CCL26: variants seen among roughly 807,000 people sequenced by gnomAD.
CCL26 encodes C-C motif chemokine 26.
A neutral mutation model predicts 10.7 loss-of-function variants in CCL26; 10 were observed. The observed-to-expected ratio is 0.93, with a 90% CI of 0.57 to 1.58. The LOEUF is 1.58. Ranked by LOEUF, CCL26 falls within the 40% of genes most tolerant of loss-of-function variation. CCL26 has a pLI of 0.00. For synonymous variants in CCL26, 43 were observed against 41.4 expected, an observed-to-expected ratio of 1.04 and a Z score of -0.15; for missense variants, 116 against 111.0, an observed-to-expected ratio of 1.05 and a Z score of -0.20.
chr7:75,772,756 A>G (rs535805268), upstream of CCL26, among the ~76,000 whole-genome samples: 108 of 151,986 alleles, frequency 7.1e-4, no homozygotes, highest in African/African-American at 2.4e-3. Context: ...AAAAGAAGAG[A>G]ATTTGGGAGA....
intron 1 of CCL26, among the ~76,000 whole-genome samples, chr7:75,784,848 G>A: frequency 6.6e-6 from 1 of 151,806 alleles, no homozygotes; most frequent in East Asian, 1.9e-4. Flanking sequence ...CCCCCTTGGT[G>A]ACCGATCATG....
rs1554528136 is a variant in CCL26 at position 75,771,904 on chromosome 7, G to C, written c.173C>G (p.Ser58Cys). The C allele has an allele frequency of 1.2e-6, 2 of 1,612,244 alleles. No individual in the cohort carries two copies. The highest frequency in any genetic ancestry group is 2.7e-5 in the African/African-American group (2 of 74,888). Residue 58 changes from serine to cysteine, a missense_variant, in exon 2 of 3, where the codon TCC becomes TGC. Transcript: ENST00000005180. ...AAATACTCACATCACAGCCCGCTGG[G>C]AGCAGCTGTTACTGGTGAATTCATA... is the stretch of plus-strand genomic sequence containing the variant. ...RSYEFTSNSC[S>C]QRAVIFTTKR...
In CCL26 at chr7:75,769,644, C is replaced by T. The variant is rs1802778979; in HGVS notation, c.*49G>A. 1 of 1,252,380 alleles carries T rather than the reference C, an allele frequency of 8.0e-7. No homozygotes were observed. Among genetic ancestry groups the T allele is most frequent in the South Asian group, 1.2e-5 (1 of 83,172 alleles). 77.6% of individuals were successfully genotyped at this position (1,252,380 alleles called of 1,614,324 possible). ...ATTCCGCAGGCTCCCCAGAGGGCTGCAGAGCCAAGAGCGGGGTCCAAGCGT... is the reference window on the plus strand; with the variant it reads ...ATTCCGCAGGCTCCCCAGAGGGCTGTAGAGCCAAGAGCGGGGTCCAAGCGT... On this transcript the variant is annotated 3_prime_UTR_variant, in exon 3 of 3. Transcript: ENST00000005180.
At chr7:75,769,840 G>C (rs1802784493) in intron 2 of CCL26, 51 bp from the exon 3 acceptor site, 7 of 1,160,960 alleles carry the variant, frequency 6.0e-6, no homozygotes, top group Admixed American at 1.7e-5. Flanking sequence ...TTGCCTCCTG[G>C]GGTGGGATAG....
chr7:75,769,844 G>A, intron 2 of CCL26, 55 bp from the exon 3 acceptor site: 1 of 1,075,826 alleles, frequency 9.3e-7, no homozygotes, highest in South Asian at 1.3e-5. Context: ...CTCCTGGGGT[G>A]GGATAGAAAG....
intron 1 of CCL26, among the ~76,000 whole-genome samples, chr7:75,777,702 A>G (rs567434469): frequency 8.3e-6 from 1 of 121,206 alleles, no homozygotes; most frequent in Non-Finnish European, 1.6e-5. Context: ...ACTACCCAAC[A>G]GAGTGAGATC....
At chr7:75,778,865 T>G (rs1803000486) in intron 1 of CCL26, among the ~76,000 whole-genome samples, 1 of 151,792 alleles carries the variant, frequency 6.6e-6, no homozygotes, top group South Asian at 2.1e-4. Context: ...GGCAGATCAC[T>G]AGGTCAGGAG....
chr7:75,787,651 C>CAAAACAAAAA (rs1803227941), intron 1 of CCL26, among the ~76,000 whole-genome samples: 1 of 27,746 alleles, frequency 3.6e-5, no homozygotes, highest in Non-Finnish European at 5.8e-5. Flanking sequence ...TCTCCAAAAG[C>CAAAACAAAAA]AAAAAAAAAA....
At chr7:75,770,171 G>C (rs1395207903) in intron 2 of CCL26, among the ~76,000 whole-genome samples, 3 of 151,412 alleles carry the variant, frequency 2.0e-5, no homozygotes, top group Admixed American at 6.6e-5. Context: ...CCAGGTTCAA[G>C]TGATGCTCCT....
At chr7:75,783,603 C>T (rs1391453183) in intron 1 of CCL26, among the ~76,000 whole-genome samples, 1 of 151,560 alleles carries the variant, frequency 6.6e-6, no homozygotes, top group African/African-American at 2.4e-5. Context: ...ATCGAGACTA[C>T]GGTGAAACCC....
intron 1 of CCL26, among the ~76,000 whole-genome samples, chr7:75,789,461 C>CT (rs35341116): frequency 1.1e-3 from 141 of 122,982 alleles, no homozygotes; most frequent in Middle Eastern, 4.2e-3. Flanking sequence ...CTCTTTTTCT[C>CT]TTTTTTTTTT....
At chr7:75,782,593 C>T (rs560269629) in intron 1 of CCL26, among the ~76,000 whole-genome samples, 1 of 152,298 alleles carries the variant, frequency 6.6e-6, no homozygotes, top group South Asian at 2.1e-4. Flanking sequence ...TCAACTCTCA[C>T]CTGACCTAAA....
intron 1 of CCL26, among the ~76,000 whole-genome samples, chr7:75,777,406 G>A (rs1454460706): frequency 6.6e-6 from 1 of 152,052 alleles, no homozygotes; most frequent in Non-Finnish European, 1.5e-5. Context: ...TCCGCAGTGA[G>A]AATGAACTAC....
At chr7:75,772,062 T>A in intron 1 of CCL26, 42 bp downstream of exon 1, 1 of 1,603,820 alleles carries the variant, frequency 6.2e-7, no homozygotes, top group South Asian at 1.1e-5. Context: ...TCCCAGGCGG[T>A]CCGGGAAGGA....
chr7:75,783,064 G>A (rs563077901), intron 1 of CCL26, among the ~76,000 whole-genome samples: 1 of 151,940 alleles, frequency 6.6e-6, no homozygotes, highest in Non-Finnish European at 1.5e-5. Context: ...AGCCCTCCCC[G>A]ACCTGTCCAA....
intron 1 of CCL26, among the ~76,000 whole-genome samples, chr7:75,779,114 C>G (rs1314401395): frequency 1.3e-5 from 2 of 152,146 alleles, no homozygotes; most frequent in Non-Finnish European, 2.9e-5. Flanking sequence ...TTGTGTCCCC[C>G]ACCCCTGCCC....
rs782166200 is a variant in CCL26 at position 75,789,459 on chromosome 7, C to CTTT, written c.-79+257_-79+258insAAA. 5.8e-5 allele frequency among the ~76,000 whole-genome samples: 6 copies of CTTT among 104,278 alleles called. No homozygotes were observed. The South Asian group carries it at 1.8e-3, about 32-fold the overall frequency. The allele number at this position is 104,278 out of a possible 152,430, so 68.4% of individuals were successfully genotyped here. On this transcript the variant is annotated intron_variant, in intron 1 of 3. Transcript: ENST00000394905. ...TCTGGGAACATCCATTTCTCTTTTTCTCTTTTTTTTTTTTTTTTGCCAGAA... is the reference window on the plus strand; with the variant it reads ...TCTGGGAACATCCATTTCTCTTTTTCTTTTCTTTTTTTTTTTTTTTTGCCAGAA...
intron 1 of CCL26, among the ~76,000 whole-genome samples, chr7:75,786,018 A>G (rs1803177766): frequency 6.6e-6 from 1 of 152,188 alleles, no homozygotes; most frequent in Non-Finnish European, 1.5e-5. Context: ...CACTCTCTAC[A>G]GTTCTCATAA....
chr7:75,780,286 T>G, intron 1 of CCL26, among the ~76,000 whole-genome samples: 1 of 152,094 alleles, frequency 6.6e-6, no homozygotes, highest in African/African-American at 2.4e-5. Flanking sequence ...TTCTCTCCAC[T>G]TTCCTGGGGC....
Sources: gnomAD v4.1 joint callset for allele counts (sites outside exome capture counted in the v4.1 genomes callset) on GRCh38, gnomAD v4.1.1 for gene constraint, MANE v1.5 for transcripts, NCBI Gene and HGNC (gene_info 2026-07-23, HGNC 2026-07-21) for gene names.